The following CCNB3 variants were observed in gnomAD, a reference collection of about 807,000 sequenced individuals.
CCNB3 encodes G2/mitotic-specific cyclin-B3.
In CCNB3, 12 loss-of-function variants were observed where a neutral mutation model predicts 68.0. The ratio of observed to expected loss-of-function variants is 0.18; its 90% CI spans 0.11 to 0.29. CCNB3 has a LOEUF of 0.29. Ranked by LOEUF, CCNB3 falls within the 10% of genes least tolerant of loss-of-function variation. CCNB3 has a pLI of 1.00. For synonymous variants in CCNB3, 354 were observed against 388.9 expected (o/e 0.91, Z 1.06); for missense variants, 904 against 993.1 (o/e 0.91, Z 1.21).
intron 8 of CCNB3, among the ~76,000 whole-genome samples, chrX:50,329,710 C>G (rs1342944143): frequency 1.8e-5 from 2 of 112,574 alleles, no homozygotes; most frequent in African/African-American, 3.2e-5. Flanking sequence ...ATAAATCTCT[C>G]TAGCCAGTGG....
upstream of CCNB3, among the ~76,000 whole-genome samples, chrX:50,204,334 G>A (rs1356711479): frequency 9.0e-6 from 1 of 111,037 alleles, no homozygotes; most frequent in Admixed American, 9.6e-5. Flanking sequence ...GTCTGGAGTG[G>A]GGACTGAGAA....
chrX:50,226,034 A>G (rs905869903), intron 1 of CCNB3, among the ~76,000 whole-genome samples: 2 of 93,089 alleles, frequency 2.1e-5, no homozygotes, highest in African/African-American at 7.7e-5. Flanking sequence ...ATATATATAT[A>G]GAATATATAT....
chrX:50,206,811 C>T (rs78812149), intron 1 of CCNB3, among the ~76,000 whole-genome samples: 87 of 106,139 alleles, frequency 8.2e-4, no homozygotes, highest in South Asian at 1.3e-3. Context: ...CCAGTTACTC[C>T]GGAGGCTGAG....
intron 1 of CCNB3, among the ~76,000 whole-genome samples, chrX:50,214,475 C>CATATATATATAT (rs1184201216): frequency 0.023 from 220 of 9,451 alleles, 9 homozygotes; most frequent in African/African-American, 0.027. Context: ...AGCTGTGGCC[C>CATATATATATAT]ATATATATAT....
At position 50,301,347 on chromosome X, in the gene CCNB3, C is replaced by A. The variant is rs1293600274; in HGVS notation, c.335+6354C>A. ...TCCTTTCTGTTTGTTAGTTTTCCTTCTAACAGTCAGGACCCTCAGCTGCAG... is the reference window on the plus strand; with the variant it reads ...TCCTTTCTGTTTGTTAGTTTTCCTTATAACAGTCAGGACCCTCAGCTGCAG... On this transcript the variant is annotated intron_variant, in intron 5 of 12. Transcript: ENST00000376042. Among the ~76,000 whole-genome samples the A allele has an allele frequency of 6.2e-5, 7 of 112,243 alleles. No homozygotes were observed. In the Admixed American group the frequency reaches 6.6e-4, roughly 11 times the overall value.
chrX:50,283,735 G>T (rs754079647), intron 1 of CCNB3, among the ~76,000 whole-genome samples: 1 of 110,671 alleles, frequency 9.0e-6, no homozygotes, highest in East Asian at 2.8e-4. Flanking sequence ...CCTGGGCTCG[G>T]CTTTCTTTGC....
intron 8 of CCNB3, among the ~76,000 whole-genome samples, chrX:50,338,013 C>T (rs1465714090): frequency 8.9e-6 from 1 of 112,234 alleles, no homozygotes; most frequent in Non-Finnish European, 1.9e-5. Context: ...TGTCCAGACT[C>T]CAAGTACCAG....
At chrX:50,334,148 A>G (rs911821806) in intron 8 of CCNB3, among the ~76,000 whole-genome samples, 2 of 112,366 alleles carry the variant, frequency 1.8e-5, no homozygotes, top group South Asian at 3.7e-4. Context: ...ACCATCACAT[A>G]TCCTGCACAT....
At chrX:50,343,424 C>T (rs1470156836) in intron 9 of CCNB3, among the ~76,000 whole-genome samples, 3 of 111,729 alleles carry the variant, frequency 2.7e-5, no homozygotes, top group African/African-American at 9.8e-5. Context: ...AAAGTAAAGC[C>T]GGGCATGGTA....
At chrX:50,326,450 G>A (rs1440982273) in intron 8 of CCNB3, among the ~76,000 whole-genome samples, 2 of 111,165 alleles carry the variant, frequency 1.8e-5, no homozygotes, top group South Asian at 3.8e-4. Flanking sequence ...ATTATTACCC[G>A]TCTTCCTTTT....
intron 4 of CCNB3, among the ~76,000 whole-genome samples, chrX:50,290,667 A>G (rs1423233816): frequency 9.0e-6 from 1 of 111,695 alleles, no homozygotes; most frequent in Non-Finnish European, 1.9e-5. Flanking sequence ...CAATAATGGG[A>G]AATCCATGCA....
chrX:50,227,133 T>C (rs1221122329), intron 1 of CCNB3, among the ~76,000 whole-genome samples: 3 of 78,922 alleles, frequency 3.8e-5, no homozygotes, highest in Non-Finnish European at 2.2e-5. Flanking sequence ...TATACAAAAA[T>C]ATATAGAATA....
chrX:50,301,597 A>C lies in CCNB3; in HGVS notation c.335+6604A>C, dbSNP rs1936637852. Among the ~76,000 whole-genome samples, 4 of 112,347 alleles carry C rather than the reference A, an allele frequency of 3.6e-5. No individual in the cohort carries two copies. The South Asian group carries it at 1.5e-3, about 41-fold the overall frequency. On this transcript the variant is annotated intron_variant, in intron 5 of 12. Coordinates refer to ENST00000376042, the MANE Select transcript of CCNB3 (RefSeq NM_033031.3). ...TCAGGGGTCAGGGACCCACTTGATG[A>C]GGCAGTCTGCCCGTTCTCAGATCTC... is the stretch of plus-strand genomic sequence containing the variant.
At position 50,295,014 on chromosome X, in the gene CCNB3, A is replaced by G. The variant is rs782493836; in HGVS notation, c.335+21A>G. The G allele has an allele frequency of 3.4e-6, 4 of 1,191,728 alleles. No individual in the cohort carries two copies. In the South Asian group the frequency reaches 5.5e-5, roughly 16 times the overall value. ...AAATGGTGAGTGAAAGGGGACTCAG[A>G]TGGCATTATTTTAGATGGTAGAGTA... On this transcript the variant is annotated intron_variant, in intron 5 of 12. Coordinates refer to ENST00000376042, the MANE Select transcript of CCNB3 (RefSeq NM_033031.3).
intron 8 of CCNB3, among the ~76,000 whole-genome samples, chrX:50,328,864 A>G (rs1398820365): frequency 8.9e-6 from 1 of 112,753 alleles, no homozygotes; most frequent in African/African-American, 3.2e-5. Context: ...GAATGAACGA[A>G]AGGGGCTATA....
chrX:50,227,443 T>C (rs949252164), intron 1 of CCNB3, among the ~76,000 whole-genome samples: 12 of 87,464 alleles, frequency 1.4e-4, no homozygotes, highest in African/African-American at 4.6e-4. Context: ...AGAGAATATA[T>C]ACAAATATAT....
intron 7 of CCNB3, among the ~76,000 whole-genome samples, chrX:50,313,177 C>T (rs1296149605): frequency 9.0e-6 from 1 of 110,978 alleles, no homozygotes; most frequent in Non-Finnish European, 1.9e-5. Context: ...AAAGTTTCTT[C>T]TAACTCTCTC....
At chrX:50,335,696 G>A (rs936268194) in intron 8 of CCNB3, among the ~76,000 whole-genome samples, 1 of 111,638 alleles carries the variant, frequency 9.0e-6, no homozygotes, top group Non-Finnish European at 1.9e-5. Flanking sequence ...GCTAGAGCTG[G>A]TTTTATCTCT....
chrX:50,344,963 G>T (rs1923327006), intron 9 of CCNB3, among the ~76,000 whole-genome samples: 1 of 110,515 alleles, frequency 9.0e-6, no homozygotes, highest in South Asian at 3.9e-4. Context: ...GGATTTCAAA[G>T]AACTTTAGAA....
Sources: allele counts gnomAD v4.1 joint callset (sites outside exome capture counted in the v4.1 genomes callset), GRCh38; gene constraint gnomAD v4.1.1; transcripts MANE v1.5; gene names NCBI Gene and HGNC (gene_info 2026-07-23, HGNC 2026-07-21).